The following DTD1 variants were observed in gnomAD, a reference collection of about 807,000 sequenced individuals.
The protein encoded by DTD1 is D-tyrosyl-tRNA deacylase 1 homolog.
DTD1 carries 13 observed loss-of-function variants against 25.6 expected under a neutral mutation model. The observed-to-expected ratio is 0.51, with a 90% CI of 0.33 to 0.81. The LOEUF (loss-of-function observed/expected upper bound fraction) is 0.81. Ranked by LOEUF, DTD1 falls within the 30% of genes least tolerant of loss-of-function variation. DTD1 has a pLI of 0.02. For missense variants in DTD1, 193 were observed against 266.4 expected (o/e 0.72, Z 1.92); for synonymous variants, 110 against 103.6 (o/e 1.06, Z -0.37).
intron 1 of DTD1, among the ~76,000 whole-genome samples, chr20:18,588,413 CG>C (rs2060574962): frequency 6.6e-6 from 1 of 152,196 alleles, no homozygotes; most frequent in East Asian, 1.9e-4. Context: ...GTCCTGCGTG[CG>C]GGATGGCGGA....
intron 4 of DTD1, among the ~76,000 whole-genome samples, chr20:18,660,343 C>G (rs1282012886): frequency 6.6e-6 from 1 of 152,198 alleles, no homozygotes; most frequent in Non-Finnish European, 1.5e-5. Context: ...TCCTAGCCTC[C>G]TGAGTAGCTG....
chr20:18,704,974 C>A (rs758452611), intron 4 of DTD1, among the ~76,000 whole-genome samples: 4 of 150,806 alleles, frequency 2.7e-5, no homozygotes, highest in African/African-American at 7.5e-5. Flanking sequence ...GATTATCTGA[C>A]CTTTGCTGTC....
chr20:18,716,198 T>G (rs976532939), intron 4 of DTD1, among the ~76,000 whole-genome samples: 10 of 152,252 alleles, frequency 6.6e-5, no homozygotes, highest in African/African-American at 2.2e-4. Context: ...CTCCAAATAT[T>G]GGTTCAGGAT....
At chr20:18,649,326 C>CTTTTTTTCTTTTTTTTTTTT (rs2060864132) in intron 4 of DTD1, among the ~76,000 whole-genome samples, 1 of 57,648 alleles carries the variant, frequency 1.7e-5, no homozygotes, top group East Asian at 6.7e-4. Context: ...ATTCATCTTT[C>CTTTTTTTCTTTTTTTTTTTT]TTTTTTTTTT....
In DTD1 at chr20:18,607,791, G is replaced by A. The variant is rs1859664379; in HGVS notation, c.370+11550G>A. Among the ~76,000 whole-genome samples, 5 of 151,652 alleles carry A rather than the reference G, an allele frequency of 3.3e-5. No homozygotes were observed. In the South Asian group the frequency reaches 1.0e-3, roughly 32 times the overall value. ...TGCAGTGACACGATCTCAGCTCACT[G>A]CACCCTCTGCCTCCCAGGTTCAAGC... On this transcript the variant is annotated intron_variant, in intron 3 of 5. Transcript: ENST00000377452.
intron 4 of DTD1, among the ~76,000 whole-genome samples, chr20:18,645,167 GAATC>G (rs930871884): frequency 2.8e-4 from 42 of 152,178 alleles, no homozygotes; most frequent in Non-Finnish European, 5.0e-4. Flanking sequence ...ACCGATCAAT[GAATC>G]AATCAATCAA....
rs1324018264 is a variant in DTD1 at position 18,626,079 on chromosome 20, C to T, written c.371-2048C>T. On this transcript the variant is annotated intron_variant, in intron 3 of 5. Coordinates refer to ENST00000377452, the MANE Select transcript of DTD1 (RefSeq NM_080820.6). ...ATAATATTTTTCTGTCCCATCCCTG[C>T]AATTTGCGCATATACTACCATGGAC... Among the ~76,000 whole-genome samples, 7 of 152,216 alleles carry T rather than the reference C, an allele frequency of 4.6e-5. 1 individual carries two copies. The highest frequency in any genetic ancestry group is 4.6e-4 in the Admixed American group (7 of 15,282).
chr20:18,647,001 A>G (rs774214369), intron 4 of DTD1, among the ~76,000 whole-genome samples: 1 of 152,236 alleles, frequency 6.6e-6, no homozygotes, highest in Non-Finnish European at 1.5e-5. Context: ...TCAGCAGAAC[A>G]AAATAAAGCT....
intron 1 of DTD1, among the ~76,000 whole-genome samples, chr20:18,589,797 A>C (rs570694098): frequency 6.6e-6 from 1 of 152,284 alleles, no homozygotes; most frequent in South Asian, 2.1e-4. Context: ...AGTTTGGGTT[A>C]TTTTGGTTCA....
In DTD1 at chr20:18,691,995, G is replaced by A. The variant is rs1184233529; in HGVS notation, c.478-52105G>A. 2.6e-5 allele frequency: 4 copies of A among 152,148 alleles called. No individual in the cohort carries two copies. In the East Asian group the frequency reaches 7.7e-4, roughly 29 times the overall value. The allele number at this position is 152,148 out of a possible 1,614,324, so 9.4% of individuals were successfully genotyped here. The stretch of plus-strand genomic sequence containing the variant: ...TTTGGTGTCTGTGCCATGAAAAGAG[G>A]CAGAGACCAAAGAGGTTGTGCCTAT... On this transcript the variant is annotated intron_variant, in intron 4 of 5. Coordinates refer to ENST00000377452, the MANE Select transcript of DTD1 (RefSeq NM_080820.6).
chr20:18,675,028 G>A (rs1300115483), intron 4 of DTD1: 1 of 152,218 alleles, frequency 6.6e-6, no homozygotes, highest in Non-Finnish European at 1.5e-5. Flanking sequence ...GGTGTTTCTG[G>A]CCAGGGGTGT....
chr20:18,635,485 A>G (rs1308828670), intron 4 of DTD1, among the ~76,000 whole-genome samples: 1 of 152,212 alleles, frequency 6.6e-6, no homozygotes, highest in Non-Finnish European at 1.5e-5. Flanking sequence ...CTTTCCATGA[A>G]TTATGAGATC....
chr20:18,663,741 C>T (rs553214398), intron 4 of DTD1, among the ~76,000 whole-genome samples: 4 of 152,254 alleles, frequency 2.6e-5, no homozygotes, highest in South Asian at 2.1e-4. Context: ...TGCATGGCTA[C>T]GGAGGCCTCA....
chr20:18,635,350 G>T (rs997929290), intron 4 of DTD1, among the ~76,000 whole-genome samples: 1 of 152,334 alleles, frequency 6.6e-6, no homozygotes, highest in East Asian at 1.9e-4. Context: ...TGTCAGTGAC[G>T]CTGACTTCTG....
intron 4 of DTD1, among the ~76,000 whole-genome samples, chr20:18,691,601 A>C (rs1396332081): frequency 6.6e-6 from 1 of 152,174 alleles, no homozygotes; most frequent in Non-Finnish European, 1.5e-5. Context: ...CAGACACTGG[A>C]GACTACTAGA....
At chr20:18,721,560 C>G (rs1386018369) in intron 4 of DTD1, among the ~76,000 whole-genome samples, 2 of 151,960 alleles carry the variant, frequency 1.3e-5, no homozygotes, top group African/African-American at 2.4e-5. Context: ...TAATATTATC[C>G]TCATAAAATT....
chr20:18,598,676 A>ATTT (rs35467175), intron 3 of DTD1, among the ~76,000 whole-genome samples: 2 of 141,388 alleles, frequency 1.4e-5, no homozygotes, highest in African/African-American at 5.2e-5. Context: ...TTTTTTTTGT[A>ATTT]TTTTTTTTTT....
intron 4 of DTD1, among the ~76,000 whole-genome samples, chr20:18,652,440 C>T (rs981772055): frequency 2.6e-5 from 4 of 152,198 alleles, no homozygotes; most frequent in Non-Finnish European, 5.9e-5. Flanking sequence ...GTACTTGGCT[C>T]CTATTCAGGA....
At chr20:18,739,816 A>G (rs1034878611) in intron 4 of DTD1, among the ~76,000 whole-genome samples, 2 of 152,150 alleles carry the variant, frequency 1.3e-5, no homozygotes, top group Admixed American at 1.3e-4. Flanking sequence ...TTGGATTCCA[A>G]GTTTTCCCAG....
Sources: gnomAD v4.1 joint callset for allele counts (sites outside exome capture counted in the v4.1 genomes callset) on GRCh38, gnomAD v4.1.1 for gene constraint, MANE v1.5 for transcripts, NCBI Gene and HGNC (gene_info 2026-07-23, HGNC 2026-07-21) for gene names.